UNC13C: variants seen among roughly 807,000 people sequenced by gnomAD.
UNC13C encodes protein unc-13 homolog C.
A neutral mutation model predicts 245.4 loss-of-function variants in UNC13C; 174 were observed. The observed-to-expected ratio is 0.71, with a 90% confidence interval of 0.63 to 0.80. The LOEUF (loss-of-function observed/expected upper bound fraction) is 0.80. Among genes scored for constraint, UNC13C ranks in the 30% least tolerant of loss-of-function variants. The pLI is 0.00. For synonymous variants in UNC13C, 992 were observed against 895.1 expected, an observed-to-expected ratio of 1.11 and a Z score of -1.93; for missense variants, 2,829 against 2,602.9, an observed-to-expected ratio of 1.09 and a Z score of -1.89.
At chr15:53,876,553 G>A in the UNC13C span, among the ~76,000 whole-genome samples, 1 of 152,154 alleles carries the variant, frequency 6.6e-6, no homozygotes, top group Non-Finnish European at 1.5e-5. Context: ...TCTCGTTAAT[G>A]CTTACACAGC....
the UNC13C span, among the ~76,000 whole-genome samples, chr15:53,896,487 G>A: frequency 2.6e-5 from 4 of 151,936 alleles, no homozygotes; most frequent in African/African-American, 9.7e-5. Flanking sequence ...TCTTAATGTT[G>A]GATATTAGTA....
intron 2 of UNC13C, among the ~76,000 whole-genome samples, chr15:54,058,386 C>A (rs1897642069): frequency 6.6e-6 from 1 of 152,200 alleles, no homozygotes. Flanking sequence ...TTCCTCGACA[C>A]ATACACTCTC....
intron 2 of UNC13C, among the ~76,000 whole-genome samples, chr15:54,091,921 C>T (rs1899596129): frequency 6.6e-6 from 1 of 152,100 alleles, no homozygotes; most frequent in Admixed American, 6.5e-5. Flanking sequence ...TATGCATCAA[C>T]CATATTTCTT....
At chr15:54,064,541 G>C (rs1260229431) in intron 2 of UNC13C, among the ~76,000 whole-genome samples, 4 of 152,156 alleles carry the variant, frequency 2.6e-5, no homozygotes, top group Admixed American at 2.6e-4. Context: ...CAGTGTAGCT[G>C]ATTTCCCAAG....
intron 2 of UNC13C, among the ~76,000 whole-genome samples, chr15:54,071,624 G>A (rs918719404): frequency 6.6e-6 from 1 of 151,944 alleles, no homozygotes; most frequent in Non-Finnish European, 1.5e-5. Flanking sequence ...TGTAGGAACA[G>A]CAAGATAAGA....
intron 19 of UNC13C, among the ~76,000 whole-genome samples, chr15:54,494,258 C>A (rs1033520864): frequency 6.6e-6 from 1 of 152,104 alleles, no homozygotes; most frequent in Non-Finnish European, 1.5e-5. Flanking sequence ...TTAATTCTCT[C>A]TGTCACTTTG....
At chr15:54,150,894 CT>C (rs2032485036) in intron 4 of UNC13C, among the ~76,000 whole-genome samples, 1 of 152,084 alleles carries the variant, frequency 6.6e-6, no homozygotes, top group South Asian at 2.1e-4. Context: ...TAAATAGTTT[CT>C]TTTAGGCATA....
intron 30 of UNC13C, among the ~76,000 whole-genome samples, chr15:54,606,357 A>T (rs558270273): frequency 6.6e-6 from 1 of 152,334 alleles, no homozygotes; most frequent in South Asian, 2.1e-4. Flanking sequence ...ATTTATTTTA[A>T]AACAAATTTA....
At chr15:54,363,174 T>C (rs190971294) in intron 17 of UNC13C, among the ~76,000 whole-genome samples, 30 of 152,362 alleles carry the variant, frequency 2.0e-4, no homozygotes, top group Non-Finnish European at 4.0e-4. Flanking sequence ...AATGGCACGA[T>C]CTCGGCTCAC....
Position 54,623,870 on chromosome 15 carries a change from C to A in UNC13C, c.6275C>A (p.Pro2092His), listed in dbSNP as rs1900962211. Residue 2092 changes from proline (P) to histidine (H), a missense_variant, in exon 32 of 33, where the codon CCC becomes CAC. Physicochemically the swap from Pro to His is moderately conservative, Grantham distance 77. Transcript: ENST00000260323. Reference protein sequence around the residue: ...RPFVEVCILGPNLGDKKRKQG... With the variant: ...RPFVEVCILGHNLGDKKRKQG... ...TTTGTGGAAGTTTGTATACTGGGAC[C>A]CAACCTTGGAGACAAGAAGAGAAAA... The A allele has an allele frequency of 6.2e-7, 1 of 1,612,952 alleles. No individual in the cohort carries two copies. The highest frequency in any genetic ancestry group is 1.3e-5 in the African/African-American group (1 of 74,790).
chr15:53,901,503 G>A, the UNC13C span, among the ~76,000 whole-genome samples: 1 of 152,048 alleles, frequency 6.6e-6, no homozygotes, highest in Non-Finnish European at 1.5e-5. Flanking sequence ...TGGGATTACA[G>A]GCGTGAGCCA....
At chr15:53,965,965 A>G in the UNC13C span, among the ~76,000 whole-genome samples, 40 of 152,222 alleles carry the variant, frequency 2.6e-4, no homozygotes, top group African/African-American at 9.6e-4. Flanking sequence ...CCAGTCTATC[A>G]TTGTTGGACA....
At chr15:53,979,701 C>T (rs1893848085) in intron 1 of UNC13C, among the ~76,000 whole-genome samples, 1 of 152,070 alleles carries the variant, frequency 6.6e-6, no homozygotes, top group African/African-American at 2.4e-5. Flanking sequence ...CAATTTTCCT[C>T]GTTAGGCTTT....
the UNC13C span, among the ~76,000 whole-genome samples, chr15:53,917,955 GAGTTT>G: frequency 6.6e-6 from 1 of 152,160 alleles, no homozygotes; most frequent in Non-Finnish European, 1.5e-5. Context: ...CAATAATGTT[GAGTTT>G]AGCATGTTTT....
intron 2 of UNC13C, among the ~76,000 whole-genome samples, chr15:54,132,062 T>TTTTTTCTTTTTCTTTTTTTTTC (rs2031453106): frequency 2.2e-5 from 1 of 46,134 alleles, no homozygotes; most frequent in African/African-American, 6.0e-5. Context: ...GCAATTCAGT[T>TTTTTTCTTTTTCTTTTTTTTTC]TTTTTCTTTT....
At chr15:54,527,027 G>A (rs1036109317) in intron 25 of UNC13C, among the ~76,000 whole-genome samples, 7 of 152,250 alleles carry the variant, frequency 4.6e-5, no homozygotes, top group African/African-American at 1.7e-4. Context: ...TTGTCTTCAT[G>A]GAACTCACCT....
At chr15:54,321,120 A>C (rs893424357) in intron 13 of UNC13C, 2 of 515,248 alleles carry the variant, frequency 3.9e-6, no homozygotes, top group Non-Finnish European at 7.7e-6. Context: ...TGGGTGAGGC[A>C]CTAGCCATCT....
chr15:53,936,202 C>A, the UNC13C span, among the ~76,000 whole-genome samples: 1 of 152,190 alleles, frequency 6.6e-6, no homozygotes. Flanking sequence ...TTGTAGCCTG[C>A]TGGCTCTGGG....
intron 2 of UNC13C, among the ~76,000 whole-genome samples, chr15:54,053,227 T>A (rs1897349265): frequency 6.6e-6 from 1 of 152,148 alleles, no homozygotes; most frequent in Admixed American, 6.6e-5. Flanking sequence ...ACATCTGGTT[T>A]CACCATGTTG....
Sources: gnomAD v4.1 joint callset for allele counts (sites outside exome capture counted in the v4.1 genomes callset) on GRCh38, gnomAD v4.1.1 for gene constraint, MANE v1.5 for transcripts, NCBI Gene and HGNC (gene_info 2026-07-23, HGNC 2026-07-21) for gene names.